Variants in ARHGAP39 observed in about 807,000 individuals in gnomAD.
ARHGAP39 encodes rho GTPase-activating protein 39.
A neutral mutation model predicts 106.9 loss-of-function variants in ARHGAP39; 44 were observed. The ratio of observed to expected loss-of-function variants is 0.41; its 90% confidence interval spans 0.32 to 0.53. The LOEUF is 0.53. ARHGAP39 is among the 20% of genes least tolerant of loss of function. ARHGAP39 has a pLI of 0.21. For synonymous variants in ARHGAP39, 768 were observed against 693.2 expected, an observed-to-expected ratio of 1.11 and a Z score of -1.69; for missense variants, 1,496 against 1,577.3, an observed-to-expected ratio of 0.95 and a Z score of 0.87.
intron 1 of ARHGAP39, among the ~76,000 whole-genome samples, chr8:144,675,861 G>A (rs966779398): frequency 3.9e-5 from 6 of 152,218 alleles, no homozygotes; most frequent in South Asian, 4.1e-4. Flanking sequence ...CGTTCCCTCC[G>A]GTGGGTTCGT....
intron 3 of ARHGAP39, among the ~76,000 whole-genome samples, chr8:144,558,537 C>A (rs557984332): frequency 3.9e-5 from 6 of 152,160 alleles, no homozygotes; most frequent in African/African-American, 1.4e-4. Flanking sequence ...AGGTGATCCA[C>A]CTGCCTTGGC....
At chr8:144,673,211 T>A (rs1822144611) in intron 1 of ARHGAP39, among the ~76,000 whole-genome samples, 1 of 130,612 alleles carries the variant, frequency 7.7e-6, no homozygotes, top group South Asian at 2.1e-4. Flanking sequence ...ATTGAGAACC[T>A]GTCTCAAAAA....
At chr8:144,536,115 G>A (rs1305121912) in intron 7 of ARHGAP39, among the ~76,000 whole-genome samples, 2 of 152,204 alleles carry the variant, frequency 1.3e-5, no homozygotes, top group Non-Finnish European at 2.9e-5. Context: ...ACCCTCACCT[G>A]TGTGGGGTGC....
At chr8:144,533,384 C>A in intron 8 of ARHGAP39, 59 bp from the exon 9 acceptor site, 1 of 1,543,824 alleles carries the variant, frequency 6.5e-7, no homozygotes, top group Non-Finnish European at 8.8e-7. Flanking sequence ...CCCCCCGCCA[C>A]CCCGGTTGTC....
intron 2 of ARHGAP39, among the ~76,000 whole-genome samples, chr8:144,598,994 C>G (rs1487186083): frequency 6.6e-6 from 1 of 152,230 alleles, no homozygotes; most frequent in Non-Finnish European, 1.5e-5. Flanking sequence ...CGGAGGGTAA[C>G]TACTTCAGTG....
In ARHGAP39 at chr8:144,547,632, G is replaced by A. The variant is rs767780341; in HGVS notation, c.1454C>T (p.Thr485Ile). 3.9e-6 allele frequency: 6 copies of A among 1,521,454 alleles called. No homozygotes were observed. The highest frequency in any genetic ancestry group is 5.3e-6 in the Non-Finnish European group (6 of 1,135,870). The allele number at this position is 1,521,454 out of a possible 1,614,324, so 94.2% of individuals were successfully genotyped here. A position where few individuals can be genotyped will look rare whatever the true frequency, so the allele number is the denominator to read the frequency against. Residue 485 changes from threonine to isoleucine, a missense_variant, in exon 5 of 12, where the codon ACA becomes ATA. Physicochemically the swap from Thr to Ile is moderately conservative, Grantham distance 89. Transcript: ENST00000377307. This position sits in a 1 kb window ranked among gnomAD's most constrained non-coding sequence, Gnocchi z 5.2. ...WSSQQDTLSS[T>I]GYSPGTRKRK... ...CTTGCGCGTGCCCGGGGAGTAGCCTGTGGAGGACAGGGTGTCCTGCTGGCT... is the reference window on the plus strand; with the variant it reads ...CTTGCGCGTGCCCGGGGAGTAGCCTATGGAGGACAGGGTGTCCTGCTGGCT...
rs750067118 is a variant in ARHGAP39 at position 144,534,118 on chromosome 8, C to T, written c.2688+11G>A. 185 of 1,612,216 alleles carry T rather than the reference C, an allele frequency of 1.1e-4. No homozygotes were observed. The highest frequency in any genetic ancestry group is 3.3e-4 in the Middle Eastern group (2 of 6,078). ...CGCCTGCCCTCCCCGGCCCCCCAGG[C>T]GCACCCGTACCTTCTTGGCCCCGGT... On this transcript the variant is annotated intron_variant, in intron 8 of 11. Coordinates refer to ENST00000377307, the MANE Select transcript of ARHGAP39 (RefSeq NM_025251.3).
chr8:144,688,048 T>G (rs1822668844), upstream of ARHGAP39, among the ~76,000 whole-genome samples: 1 of 151,986 alleles, frequency 6.6e-6, no homozygotes, highest in Admixed American at 6.6e-5. Context: ...CCCACCCTGG[T>G]GACCACACAC....
chr8:144,535,082 G>C (rs1047702440), intron 7 of ARHGAP39, among the ~76,000 whole-genome samples: 3 of 152,212 alleles, frequency 2.0e-5, no homozygotes, highest in Admixed American at 1.3e-4. Context: ...CTGGACATGA[G>C]ACCTGCCCCA....
chr8:144,544,828 G>A (rs1030650561), intron 6 of ARHGAP39, among the ~76,000 whole-genome samples: 31 of 152,284 alleles, frequency 2.0e-4, no homozygotes, highest in African/African-American at 7.5e-4. Flanking sequence ...ATGCCCAGAA[G>A]AGACAACCCG....
intron 1 of ARHGAP39, among the ~76,000 whole-genome samples, chr8:144,626,899 C>A (rs1820932276): frequency 6.6e-6 from 1 of 152,260 alleles, no homozygotes; most frequent in Non-Finnish European, 1.5e-5. Flanking sequence ...GGCAGCAGCA[C>A]TGAGGTGGGA....
rs190892323 is a variant in ARHGAP39 at position 144,551,036 on chromosome 8, C to T, written c.597-2547G>A. Among the ~76,000 whole-genome samples, 177 of 152,320 alleles carry T rather than the reference C, an allele frequency of 1.2e-3. 2 individuals are homozygous for T. The highest frequency in any genetic ancestry group is 6.8e-3 in the Middle Eastern group (2 of 294). Reference sequence around the variant, plus strand: ...GTTCAGCACTGACACAGAAAACCCTCGGTCAATGCGAACCATTAGTTTTGC... The same window carrying T: ...GTTCAGCACTGACACAGAAAACCCTTGGTCAATGCGAACCATTAGTTTTGC... On this transcript the variant is annotated intron_variant, in intron 4 of 11. Transcript: ENST00000377307.
chr8:144,612,019 A>T (rs1322758106), intron 1 of ARHGAP39, among the ~76,000 whole-genome samples: 1 of 152,118 alleles, frequency 6.6e-6, no homozygotes, highest in East Asian at 1.9e-4. Context: ...AAAAAAAAAA[A>T]AAAAAAAGGA....
intron 4 of ARHGAP39, among the ~76,000 whole-genome samples, chr8:144,551,343 G>A (rs564296817): frequency 4.9e-4 from 75 of 152,186 alleles, no homozygotes; most frequent in Non-Finnish European, 7.2e-4. Flanking sequence ...TTGGGGCAGA[G>A]ATGAAGAAAG....
intron 2 of ARHGAP39, 45 bp from the exon 3 acceptor site, chr8:144,581,322 G>A: frequency 6.7e-7 from 1 of 1,498,734 alleles, no homozygotes; most frequent in Non-Finnish European, 9.0e-7. Context: ...CGGCGGCCTG[G>A]GCCCGCGCCT....
intron 2 of ARHGAP39, among the ~76,000 whole-genome samples, chr8:144,603,044 CGTGT>C (rs372766666): frequency 2.2e-4 from 21 of 94,324 alleles, no homozygotes; most frequent in South Asian, 1.2e-3. Flanking sequence ...TGCGTGGAGG[CGTGT>C]GTGTGAGCTC....
intron 1 of ARHGAP39, among the ~76,000 whole-genome samples, chr8:144,682,664 G>A (rs1012687284): frequency 2.6e-5 from 4 of 151,708 alleles, no homozygotes; most frequent in Non-Finnish European, 5.9e-5. Context: ...GTCACTTAAC[G>A]TTTATTTTAA....
intron 3 of ARHGAP39, among the ~76,000 whole-genome samples, chr8:144,565,213 G>A (rs1818350595): frequency 6.6e-6 from 1 of 152,168 alleles, no homozygotes; most frequent in Non-Finnish European, 1.5e-5. Context: ...AGGAGGTTGA[G>A]GCTGCAGTGA....
intron 2 of ARHGAP39, among the ~76,000 whole-genome samples, chr8:144,601,342 G>C (rs1211524596): frequency 2.8e-5 from 4 of 141,484 alleles, no homozygotes; most frequent in African/African-American, 1.0e-4. Flanking sequence ...GTGTGCTCGT[G>C]TACCTGTGTG....
Sources: allele counts gnomAD v4.1 joint callset (sites outside exome capture counted in the v4.1 genomes callset), GRCh38; gene constraint gnomAD v4.1.1; non-coding constraint Gnocchi (gnomAD v3.1); transcripts MANE v1.5; gene names NCBI Gene and HGNC (gene_info 2026-07-23, HGNC 2026-07-21).